FRMD4A: variants seen among roughly 807,000 people sequenced by gnomAD.
FRMD4A encodes the protein FERM domain-containing protein 4A.
FRMD4A carries 29 observed loss-of-function variants against 129.1 expected under a neutral mutation model. That is an observed-to-expected ratio of 0.22 (90% CI 0.17 to 0.31). FRMD4A has a LOEUF of 0.31. Ranked by LOEUF, FRMD4A falls within the 10% of genes least tolerant of loss-of-function variation. The probability of loss-of-function intolerance (pLI) is 1.00; values close to 1 mark genes in which losing one functional copy is unlikely to be tolerated. For synonymous variants in FRMD4A, 634 were observed against 571.6 expected, an observed-to-expected ratio of 1.11 and a Z score of -1.56; for missense variants, 1,272 against 1,375.8, an observed-to-expected ratio of 0.92 and a Z score of 1.19.
chr10:13,752,552 T>G (rs377741512), intron 8 of FRMD4A, among the ~76,000 whole-genome samples: 14 of 152,304 alleles, frequency 9.2e-5, no homozygotes, highest in Admixed American at 7.8e-4. Flanking sequence ...AAAGAATTCT[T>G]GCTAAAACCA....
intron 2 of FRMD4A, among the ~76,000 whole-genome samples, chr10:13,902,765 G>T (rs7908572): frequency 0.21 from 31,797 of 151,004 alleles, 3,487 homozygotes; most frequent in Middle Eastern, 0.34. Context: ...GCTTGAACCC[G>T]GGAGGTGGAG....
Position 13,728,872 on chromosome 10 carries a change from G to A in FRMD4A, c.759+8972C>T, listed in dbSNP as rs529276535. 9.2e-5 allele frequency among the ~76,000 whole-genome samples: 14 copies of A among 152,124 alleles called. 1 individual carries two copies. The South Asian group carries it at 2.3e-3, about 25-fold the overall frequency. On this transcript the variant is annotated intron_variant, in intron 12 of 24. Coordinates refer to ENST00000357447, the MANE Select transcript of FRMD4A (RefSeq NM_018027.5). ...CAGGTGTGAGCCACCGTGCCCAGCC[G>A]ATGACCACTCTTTAGAGTTTGGGAT... is the stretch of plus-strand genomic sequence containing the variant.
intron 8 of FRMD4A, among the ~76,000 whole-genome samples, chr10:13,750,854 G>A (rs1354979003): frequency 6.6e-6 from 1 of 152,094 alleles, no homozygotes; most frequent in African/African-American, 2.4e-5. Context: ...AAGTACAGTC[G>A]GTAATTTTTA....
In FRMD4A at chr10:13,914,108, CG is replaced by C. The variant is rs2094973680; in HGVS notation, c.46-55197del. Among the ~76,000 whole-genome samples the C allele has an allele frequency of 7.2e-5, 11 of 152,300 alleles. 2 individuals carry two copies. In the South Asian group the frequency reaches 2.3e-3, roughly 32 times the overall value. On this transcript the variant is annotated intron_variant, in intron 2 of 24. Coordinates refer to ENST00000357447, the MANE Select transcript of FRMD4A (RefSeq NM_018027.5). ...GCCTCTGCTCAAGAAGAGGAAGGCG[CG>C]GGCAGATGCCTTCTGTTGTCTAAAG...
intron 2 of FRMD4A, among the ~76,000 whole-genome samples, chr10:13,871,724 A>C (rs1369287328): frequency 3.3e-5 from 5 of 152,210 alleles, no homozygotes; most frequent in Middle Eastern, 3.2e-3. Flanking sequence ...AACAGCTGTT[A>C]GATCCTCTTG....
intron 2 of FRMD4A, among the ~76,000 whole-genome samples, chr10:14,274,956 G>A (rs374442318): frequency 2.6e-5 from 4 of 152,144 alleles, no homozygotes; most frequent in South Asian, 2.1e-4. Flanking sequence ...GTCTTCACAC[G>A]GAAATTTCAG....
chr10:13,993,001 A>C (rs911938095), intron 2 of FRMD4A, among the ~76,000 whole-genome samples: 4 of 151,774 alleles, frequency 2.6e-5, no homozygotes, highest in African/African-American at 4.8e-5. Flanking sequence ...AAGAGATTAA[A>C]GTAATGACTA....
At chr10:13,778,615 GTGTGTGTT>G (rs995340503) in intron 6 of FRMD4A, among the ~76,000 whole-genome samples, 9 of 144,134 alleles carry the variant, frequency 6.2e-5, no homozygotes, top group Non-Finnish European at 1.2e-4. Flanking sequence ...GTGTGTGTGT[GTGTGTGTT>G]TGTGTGTGTG....
chr10:14,143,612 T>G (rs113145248), intron 2 of FRMD4A, among the ~76,000 whole-genome samples: 1 of 152,168 alleles, frequency 6.6e-6, no homozygotes, highest in Non-Finnish European at 1.5e-5. Context: ...TTTTTTGTTG[T>G]TGTTGTTGTT....
intron 2 of FRMD4A, among the ~76,000 whole-genome samples, chr10:14,191,805 T>C (rs111480436): frequency 0.026 from 3,637 of 140,910 alleles, 107 homozygotes; most frequent in East Asian, 0.1. Flanking sequence ...TTTTTTTTTT[T>C]TCTCTCTCTC....
chr10:14,160,044 C>T (rs1476012453), intron 2 of FRMD4A, among the ~76,000 whole-genome samples: 4 of 151,950 alleles, frequency 2.6e-5, no homozygotes, highest in Non-Finnish European at 5.9e-5. Flanking sequence ...AGCAAGACTC[C>T]GTCTCCAAAA....
chr10:14,215,214 A>C (rs1589177766), intron 2 of FRMD4A, among the ~76,000 whole-genome samples: 3 of 152,210 alleles, frequency 2.0e-5, no homozygotes, highest in African/African-American at 7.2e-5. Flanking sequence ...CAGTGGCTCC[A>C]AAGTTATTTT....
intron 5 of FRMD4A, 67 bp downstream of exon 5, chr10:13,796,429 C>A: frequency 1.2e-6 from 1 of 809,576 alleles, no homozygotes; most frequent in Non-Finnish European, 2.2e-6. Flanking sequence ...TGGAATCACT[C>A]TGCCCTCCCA....
intron 12 of FRMD4A, among the ~76,000 whole-genome samples, chr10:13,712,417 G>A (rs1002266136): frequency 6.6e-6 from 1 of 152,086 alleles, no homozygotes; most frequent in Admixed American, 6.6e-5. Context: ...CGGAGGCTGA[G>A]GCAGGAGAAT....
rs141044256 is a variant in FRMD4A, at chr10:14,048,529, G to T, written c.46-189617C>A. On this transcript the variant is annotated intron_variant, in intron 2 of 24. Transcript: ENST00000357447. ...GCTGAGAAATATGGTGGGTGGGCCG[G>T]GTGTGGTGGCTCATGCCTGTAATCA... Among the ~76,000 whole-genome samples the T allele has an allele frequency of 5.9e-5, 9 of 152,232 alleles. No individual in the cohort carries two copies. The East Asian group carries it at 1.5e-3, about 26-fold the overall frequency.
intron 2 of FRMD4A, among the ~76,000 whole-genome samples, chr10:14,126,795 T>A (rs1838865624): frequency 6.6e-6 from 1 of 152,062 alleles, no homozygotes; most frequent in Non-Finnish European, 1.5e-5. Context: ...TAAAGGAGAA[T>A]ACTTCTTGGG....
intron 2 of FRMD4A, among the ~76,000 whole-genome samples, chr10:13,991,608 A>T (rs1008133578): frequency 6.6e-6 from 1 of 152,384 alleles, no homozygotes; most frequent in East Asian, 1.9e-4. Flanking sequence ...TGCTCAGAGC[A>T]CAATGTTCCC....
chr10:13,851,525 G>T (rs770306309), intron 3 of FRMD4A, among the ~76,000 whole-genome samples: 2 of 152,070 alleles, frequency 1.3e-5, no homozygotes, highest in Non-Finnish European at 2.9e-5. Flanking sequence ...CCTCCTGTCA[G>T]ATCAGCAGCA....
At chr10:14,001,605 T>C (rs1051768413) in intron 2 of FRMD4A, among the ~76,000 whole-genome samples, 16 of 152,226 alleles carry the variant, frequency 1.1e-4, no homozygotes, top group African/African-American at 2.4e-4. Flanking sequence ...TAAGCTGCTA[T>C]ACAAAACAAA....
Sources: gnomAD v4.1 joint callset for allele counts (sites outside exome capture counted in the v4.1 genomes callset) on GRCh38, gnomAD v4.1.1 for gene constraint, MANE v1.5 for transcripts, NCBI Gene and HGNC (gene_info 2026-07-23, HGNC 2026-07-21) for gene names.